The following CTNND2 variants were observed in gnomAD, a reference collection of about 807,000 sequenced individuals.
CTNND2 encodes catenin delta 2.
A neutral mutation model predicts 144.4 loss-of-function variants in CTNND2; 22 were observed. The ratio of observed to expected loss-of-function variants is 0.15; its 90% CI spans 0.11 to 0.22. The LOEUF is 0.22. Ranked by LOEUF, CTNND2 falls within the 10% of genes least tolerant of loss-of-function variation. The probability of loss-of-function intolerance (pLI) is 1.00; values close to 1 mark genes in which losing one functional copy is unlikely to be tolerated. For missense variants in CTNND2, 1,353 were observed against 1,618.8 expected (o/e 0.84, Z 2.82); for synonymous variants, 751 against 695.6 (o/e 1.08, Z -1.25).
At chr5:11,060,843 G>C (rs1459528470) in intron 16 of CTNND2, among the ~76,000 whole-genome samples, 1 of 152,118 alleles carries the variant, frequency 6.6e-6, no homozygotes, top group African/African-American at 2.4e-5. Flanking sequence ...CCTGTCTTGG[G>C]TTAATGAGCC....
intron 3 of CTNND2, among the ~76,000 whole-genome samples, chr5:11,519,450 AT>A: frequency 6.6e-6 from 1 of 150,496 alleles, no homozygotes; most frequent in Non-Finnish European, 1.5e-5. Flanking sequence ...GAAGTTCTCT[AT>A]TCCCAGCCAC....
chr5:11,537,662 G>A (rs866127911), intron 3 of CTNND2, among the ~76,000 whole-genome samples: 2 of 152,172 alleles, frequency 1.3e-5, no homozygotes, highest in Admixed American at 1.3e-4. Context: ...TTAGGTTGGG[G>A]AGTTGGCACT....
chr5:11,338,661 C>T (rs947104409), intron 9 of CTNND2, among the ~76,000 whole-genome samples: 2 of 152,140 alleles, frequency 1.3e-5, no homozygotes, highest in East Asian at 3.9e-4. Flanking sequence ...CAGAACCTGC[C>T]TTAGTATAAA....
chr5:11,882,953 T>A (rs1233502207), intron 1 of CTNND2, among the ~76,000 whole-genome samples: 1 of 152,180 alleles, frequency 6.6e-6, no homozygotes, highest in Non-Finnish European at 1.5e-5. Flanking sequence ...ACATGGGATA[T>A]TTTTCTATTT....
chr5:11,381,907 T>C lies in CTNND2; in HGVS notation c.1177+2758A>G, dbSNP rs142138918. The stretch of plus-strand genomic sequence containing the variant: ...GCGTAAACCTGGGAGGCGGAGCTGA[T>C]AGTGAGCCAAGATCACGCCACGGCA... On this transcript the variant is annotated intron_variant, in intron 7 of 21. Coordinates refer to ENST00000304623, the MANE Select transcript of CTNND2 (RefSeq NM_001332.4). Among the ~76,000 whole-genome samples the C allele has an allele frequency of 6.7e-3, 1,020 of 152,126 alleles. 15 individuals carry two copies. Among genetic ancestry groups the C allele is most frequent in the East Asian group, 0.055 (287 of 5,174 alleles).
intron 21 of CTNND2, among the ~76,000 whole-genome samples, chr5:10,979,462 G>C (rs1488973435): frequency 6.6e-6 from 1 of 152,234 alleles, no homozygotes; most frequent in African/African-American, 2.4e-5. Context: ...CCATTCACCA[G>C]GGGGTCACAG....
intron 9 of CTNND2, among the ~76,000 whole-genome samples, chr5:11,243,607 A>C (rs572044491): frequency 3.9e-5 from 6 of 152,302 alleles, no homozygotes; most frequent in Admixed American, 1.3e-4. Context: ...GGGGATATGC[A>C]AATGTAACCT....
intron 2 of CTNND2, among the ~76,000 whole-genome samples, chr5:11,566,302 T>C (rs916407589): frequency 6.6e-6 from 1 of 152,230 alleles, no homozygotes; most frequent in African/African-American, 2.4e-5. Flanking sequence ...CTCAAACTTT[T>C]ATTCTTACAT....
intron 1 of CTNND2, among the ~76,000 whole-genome samples, chr5:11,798,770 CA>C (rs1199211106): frequency 6.6e-6 from 1 of 150,802 alleles, no homozygotes; most frequent in East Asian, 1.9e-4. Context: ...CGTCTCCAAA[CA>C]AAAAAAGGAG....
At chr5:11,716,296 T>C (rs953433267) in intron 2 of CTNND2, among the ~76,000 whole-genome samples, 1 of 152,224 alleles carries the variant, frequency 6.6e-6, no homozygotes, top group Admixed American at 6.5e-5. Context: ...TACACTTAAT[T>C]AAATAGTTTA....
intron 10 of CTNND2, among the ~76,000 whole-genome samples, chr5:11,215,474 C>T (rs1580610332): frequency 1.3e-5 from 2 of 152,258 alleles, no homozygotes; most frequent in South Asian, 2.1e-4. Flanking sequence ...ATGCAGATGC[C>T]TTGTTTTCTT....
intron 9 of CTNND2, among the ~76,000 whole-genome samples, chr5:11,312,423 G>A (rs258626): frequency 6.6e-6 from 1 of 151,964 alleles, no homozygotes; most frequent in Non-Finnish European, 1.5e-5. Flanking sequence ...GCGAAAGGCA[G>A]TTCTTACATG....
chr5:11,105,430 G>T (rs1451266558), intron 14 of CTNND2, among the ~76,000 whole-genome samples: 1 of 152,226 alleles, frequency 6.6e-6, no homozygotes, highest in African/African-American at 2.4e-5. Flanking sequence ...CATCCAGTGG[G>T]TAGAGTCCAG....
intron 1 of CTNND2, among the ~76,000 whole-genome samples, chr5:11,744,213 A>G (rs1330270983): frequency 6.6e-6 from 1 of 152,224 alleles, no homozygotes; most frequent in Admixed American, 6.5e-5. Flanking sequence ...ATCTGTCTTA[A>G]AAATATTATT....
At chr5:11,107,173 G>A (rs1001592082) in intron 14 of CTNND2, among the ~76,000 whole-genome samples, 2 of 152,154 alleles carry the variant, frequency 1.3e-5, no homozygotes, top group Non-Finnish European at 2.9e-5. Context: ...TCTAGAAGGA[G>A]GCACGCTGAA....
At position 11,302,167 on chromosome 5, in the gene CTNND2, T is replaced by C. The variant is rs1194743525; in HGVS notation, c.1628+44205A>G. Among the ~76,000 whole-genome samples the C allele has an allele frequency of 2.0e-5, 3 of 152,176 alleles. No homozygotes were observed. In the East Asian group the frequency reaches 5.8e-4, roughly 29 times the overall value. ...CCCTCTTTGCTTTTGAATACAATTCTTCCCCTAAGGTTGGCTCTTCCCATC... is the reference window on the plus strand; with the variant it reads ...CCCTCTTTGCTTTTGAATACAATTCCTCCCCTAAGGTTGGCTCTTCCCATC... On this transcript the variant is annotated intron_variant, in intron 9 of 21. Coordinates refer to ENST00000304623, the MANE Select transcript of CTNND2 (RefSeq NM_001332.4).
At chr5:11,323,407 C>T (rs1271940075) in intron 9 of CTNND2, among the ~76,000 whole-genome samples, 1 of 152,124 alleles carries the variant, frequency 6.6e-6, no homozygotes, top group Non-Finnish European at 1.5e-5. Context: ...TCCCAAAAGT[C>T]AATGAGTCAC....
At chr5:11,340,144 C>T (rs1426683630) in intron 9 of CTNND2, among the ~76,000 whole-genome samples, 3 of 152,160 alleles carry the variant, frequency 2.0e-5, no homozygotes. Flanking sequence ...TCCTCTTTAC[C>T]TGGAAAGCTT....
intron 1 of CTNND2, among the ~76,000 whole-genome samples, chr5:11,770,511 A>G (rs1480790936): frequency 6.6e-6 from 1 of 151,986 alleles, no homozygotes; most frequent in African/African-American, 2.4e-5. Flanking sequence ...TATGATGGAT[A>G]TATTTTTAAT....
Sources: allele counts gnomAD v4.1 joint callset (sites outside exome capture counted in the v4.1 genomes callset), GRCh38; gene constraint gnomAD v4.1.1; transcripts MANE v1.5; gene names NCBI Gene and HGNC (gene_info 2026-07-23, HGNC 2026-07-21).